Variants in KIF6 observed in about 807,000 individuals in gnomAD.
The protein encoded by KIF6 is kinesin-like protein KIF6.
A neutral mutation model predicts 112.7 loss-of-function variants in KIF6; 106 were observed. The ratio of observed to expected loss-of-function variants is 0.94; its 90% CI spans 0.80 to 1.11. The LOEUF (loss-of-function observed/expected upper bound fraction) is 1.11. KIF6 is among the 50% of genes least tolerant of loss of function. The pLI is 0.00. For synonymous variants in KIF6, 339 were observed against 339.9 expected, an observed-to-expected ratio of 1.00 and a Z score of 0.03; for missense variants, 929 against 964.0, an observed-to-expected ratio of 0.96 and a Z score of 0.48.
At chr6:39,627,590 C>G (rs1192450058) in intron 5 of KIF6, among the ~76,000 whole-genome samples, 1 of 152,160 alleles carries the variant, frequency 6.6e-6, no homozygotes, top group East Asian at 1.9e-4. Context: ...GCAGTGTTTT[C>G]TATCCAGTAG....
intron 10 of KIF6, among the ~76,000 whole-genome samples, chr6:39,570,268 A>G (rs1213825628): frequency 6.6e-6 from 1 of 152,170 alleles, no homozygotes; most frequent in Non-Finnish European, 1.5e-5. Flanking sequence ...CAGCTTGGAG[A>G]GACATTGACT....
rs953394967 is a variant in KIF6 at position 39,333,309 on chromosome 6, A to G, written c.*3223T>C. 3 of 152,238 alleles carry G rather than the reference A, an allele frequency of 2.0e-5. No individual in the cohort carries two copies. The highest frequency in any genetic ancestry group is 4.4e-5 in the Non-Finnish European group (3 of 68,044). 9.4% of individuals were successfully genotyped at this position (152,238 alleles called of 1,614,324 possible). On this transcript the variant is annotated 3_prime_UTR_variant, in exon 23 of 23. Coordinates refer to ENST00000287152, the MANE Select transcript of KIF6 (RefSeq NM_145027.6). ...CTGCTATTGCTACAATTAATGCTAT[A>G]TAACAAACCACTCTAAACCTCAGTG...
intron 3 of KIF6, among the ~76,000 whole-genome samples, chr6:39,709,546 C>T (rs1397781428): frequency 3.9e-5 from 6 of 152,182 alleles, no homozygotes; most frequent in African/African-American, 1.2e-4. Flanking sequence ...GGTACCGGTG[C>T]ATGGCCTGGG....
intron 5 of KIF6, among the ~76,000 whole-genome samples, chr6:39,623,879 G>A (rs1013347829): frequency 2.6e-5 from 4 of 152,044 alleles, no homozygotes; most frequent in Admixed American, 2.6e-4. Flanking sequence ...CCCTCACCTA[G>A]ACTTCATTCT....
At chr6:39,655,758 T>A (rs1465497354) in intron 3 of KIF6, among the ~76,000 whole-genome samples, 1 of 152,184 alleles carries the variant, frequency 6.6e-6, no homozygotes, top group East Asian at 1.9e-4. Context: ...CTAACCATTT[T>A]ATCTCAACAA....
chr6:39,346,079 T>TCCCC (rs1763715761), intron 20 of KIF6, among the ~76,000 whole-genome samples: 1 of 21,336 alleles, frequency 4.7e-5, no homozygotes, highest in East Asian at 1.2e-3. Context: ...TCTCTCTCTC[T>TCCCC]CTCTCTCCCC....
At chr6:39,597,294 G>A (rs1782328494) in intron 6 of KIF6, among the ~76,000 whole-genome samples, 1 of 152,104 alleles carries the variant, frequency 6.6e-6, no homozygotes, top group Non-Finnish European at 1.5e-5. Context: ...TACTAAAGTT[G>A]CTCCATCAAA....
intron 10 of KIF6, among the ~76,000 whole-genome samples, chr6:39,561,559 T>C (rs147317515): frequency 0.014 from 2,149 of 152,136 alleles, 46 homozygotes; most frequent in African/African-American, 0.048. Flanking sequence ...GGTTTCATCA[T>C]GTTGGCCAGG....
chr6:39,523,577 A>G (rs968903134), intron 13 of KIF6, among the ~76,000 whole-genome samples: 2 of 146,114 alleles, frequency 1.4e-5, no homozygotes, highest in Non-Finnish European at 3.0e-5. Flanking sequence ...ACACCTCTGC[A>G]CATTTGCTTG....
intron 10 of KIF6, among the ~76,000 whole-genome samples, chr6:39,553,006 C>G (rs1214307098): frequency 3.9e-5 from 6 of 152,258 alleles, no homozygotes; most frequent in African/African-American, 1.4e-4. Context: ...TTTTCAGGGT[C>G]ATTAGTTTCA....
At chr6:39,495,796 C>T (rs561591332) in intron 13 of KIF6, among the ~76,000 whole-genome samples, 74 of 152,284 alleles carry the variant, frequency 4.9e-4, no homozygotes, top group African/African-American at 1.7e-3. Flanking sequence ...TCTGCCAGGA[C>T]TATACTTCAT....
At chr6:39,621,156 G>A (rs1469797249) in intron 5 of KIF6, among the ~76,000 whole-genome samples, 2 of 150,528 alleles carry the variant, frequency 1.3e-5, no homozygotes, top group East Asian at 3.9e-4. Context: ...AGAATTTGTT[G>A]TTTCCAATTT....
intron 10 of KIF6, among the ~76,000 whole-genome samples, chr6:39,567,127 T>C (rs1780332070): frequency 6.6e-6 from 1 of 152,196 alleles, no homozygotes; most frequent in East Asian, 1.9e-4. Context: ...ATAAATGAAG[T>C]AGATTCCTCA....
At chr6:39,645,909 G>A (rs946611384) in intron 3 of KIF6, among the ~76,000 whole-genome samples, 1 of 145,310 alleles carries the variant, frequency 6.9e-6, no homozygotes, top group Admixed American at 6.9e-5. Context: ...TCATAGGTGG[G>A]AATTGAACAA....
intron 1 of KIF6, among the ~76,000 whole-genome samples, 181 bp from the exon 2 acceptor site, chr6:39,720,992 C>T (rs898165786): frequency 3.9e-5 from 6 of 152,084 alleles, no homozygotes; most frequent in African/African-American, 1.4e-4. Flanking sequence ...ATATATGGAA[C>T]TGAACCAGAA....
At chr6:39,623,433 T>C (rs1306963460) in intron 5 of KIF6, among the ~76,000 whole-genome samples, 3 of 152,234 alleles carry the variant, frequency 2.0e-5, no homozygotes, top group Non-Finnish European at 4.4e-5. Context: ...TAACTATCTA[T>C]TTTCAAGTCT....
At chr6:39,632,004 A>C (rs999789266) in intron 5 of KIF6, among the ~76,000 whole-genome samples, 1 of 152,104 alleles carries the variant, frequency 6.6e-6, no homozygotes, top group African/African-American at 2.4e-5. Flanking sequence ...ATCACCTTTG[A>C]TTGTTAATTT....
chr6:39,612,832 T>C (rs1367629183), intron 6 of KIF6, among the ~76,000 whole-genome samples: 1 of 152,194 alleles, frequency 6.6e-6, no homozygotes, highest in Non-Finnish European at 1.5e-5. Flanking sequence ...TATGCAAAAC[T>C]TCCTACAATT....
chr6:39,570,591 T>C (rs1780588090), intron 10 of KIF6, among the ~76,000 whole-genome samples: 1 of 152,124 alleles, frequency 6.6e-6, no homozygotes, highest in South Asian at 2.1e-4. Flanking sequence ...TCATCTTGAA[T>C]TGTAGTTCCC....
Sources: allele counts gnomAD v4.1 joint callset (sites outside exome capture counted in the v4.1 genomes callset), GRCh38; gene constraint gnomAD v4.1.1; transcripts MANE v1.5; gene names NCBI Gene and HGNC (gene_info 2026-07-23, HGNC 2026-07-21).